Variants in TLL1 observed in about 807,000 individuals in gnomAD.
The protein encoded by TLL1 is tolloid-like protein 1.
A neutral mutation model predicts 128.2 loss-of-function variants in TLL1; 49 were observed. That is an observed-to-expected ratio of 0.38 (90% CI 0.30 to 0.48). TLL1 has a LOEUF of 0.48. Among genes scored for constraint, TLL1 ranks in the 20% least tolerant of loss-of-function variants. TLL1 has a pLI of 0.96. For synonymous variants in TLL1, 454 were observed against 418.8 expected, an observed-to-expected ratio of 1.08 and a Z score of -1.03; for missense variants, 1,123 against 1,242.0, an observed-to-expected ratio of 0.90 and a Z score of 1.44.
chr4:166,016,397 T>C (rs968308292), intron 8 of TLL1, among the ~76,000 whole-genome samples: 1 of 152,086 alleles, frequency 6.6e-6, no homozygotes, highest in Non-Finnish European at 1.5e-5. Flanking sequence ...TAAATGTACG[T>C]CTACATACAT....
chr4:165,941,186 C>T (rs1733989810), intron 1 of TLL1, among the ~76,000 whole-genome samples: 1 of 151,930 alleles, frequency 6.6e-6, no homozygotes, highest in African/African-American at 2.4e-5. Context: ...CGCGCTATTG[C>T]CTTTACTTCT....
At chr4:166,030,749 A>G (rs1738730883) in intron 9 of TLL1, 2 of 1,140,698 alleles carry the variant, frequency 1.8e-6, no homozygotes, top group Admixed American at 4.8e-5. Context: ...AAATGTTTTT[A>G]TTCAGCATTC....
intron 15 of TLL1, 110 bp downstream of exon 15, chr4:166,060,298 T>C: frequency 1.7e-6 from 2 of 1,167,148 alleles, no homozygotes; most frequent in Non-Finnish European, 2.5e-6. Context: ...GACATTGTAT[T>C]CTTTCTTTGT....
intron 2 of TLL1, among the ~76,000 whole-genome samples, chr4:165,990,603 T>A (rs1245211505): frequency 6.6e-6 from 1 of 152,058 alleles, no homozygotes; most frequent in East Asian, 1.9e-4. Context: ...GTGTGTTGTG[T>A]GTGTGTGCAT....
chr4:166,062,375 GTGTC>G lies in TLL1; in HGVS notation c.2007+2189_2007+2192del, dbSNP rs200339158. Among the ~76,000 whole-genome samples, 230 of 152,238 alleles carry G rather than the reference GTGTC, an allele frequency of 1.5e-3. 6 individuals carry two copies. The East Asian group carries it at 0.042, about 28-fold the overall frequency. ...GCATGGAATGTTCTTCCATTTGTTT[GTGTC>G]TTCTTTTATTTCGTTGATCAGTGGT... On this transcript the variant is annotated intron_variant, in intron 15 of 20. Coordinates refer to ENST00000061240, the MANE Select transcript of TLL1 (RefSeq NM_012464.5).
chr4:166,075,020 A>G lies in TLL1; in HGVS notation c.2314+17A>G, dbSNP rs898947382. ...GCAAGGAAGGTATGGAACGGAATACACTTTTTTTGACAACATGTAGAATTT... is the reference window on the plus strand; with the variant it reads ...GCAAGGAAGGTATGGAACGGAATACGCTTTTTTTGACAACATGTAGAATTT... On this transcript the variant is annotated intron_variant, in intron 17 of 20. Transcript: ENST00000061240. The G allele has an allele frequency of 2.5e-6, 4 of 1,612,368 alleles. No individual in the cohort carries two copies. Among genetic ancestry groups the G allele is most frequent in the African/African-American group, 2.7e-5 (2 of 75,000 alleles).
At chr4:166,087,043 G>C (rs573370305) in intron 18 of TLL1, among the ~76,000 whole-genome samples, 1 of 152,224 alleles carries the variant, frequency 6.6e-6, no homozygotes, top group South Asian at 2.1e-4. Context: ...ACAAGTATCT[G>C]TTATCCCTGT....
chr4:166,086,585 G>A (rs547567016), intron 18 of TLL1, among the ~76,000 whole-genome samples: 15 of 152,148 alleles, frequency 9.9e-5, no homozygotes, highest in South Asian at 4.2e-4. Flanking sequence ...GCAACATGGC[G>A]GTCTCAAAGG....
chr4:166,005,774 A>T (rs1737396550), intron 6 of TLL1, among the ~76,000 whole-genome samples: 1 of 151,912 alleles, frequency 6.6e-6, no homozygotes, highest in Admixed American at 6.6e-5. Context: ...AATTTATAAA[A>T]GATGTAACTT....
intron 1 of TLL1, among the ~76,000 whole-genome samples, chr4:165,920,372 G>T (rs753288490): frequency 6.6e-6 from 1 of 152,166 alleles, no homozygotes; most frequent in African/African-American, 2.4e-5. Flanking sequence ...TTAGAGAATT[G>T]TTGTTGAGCA....
At chr4:166,088,350 T>C (rs1741615489) in intron 18 of TLL1, among the ~76,000 whole-genome samples, 1 of 152,174 alleles carries the variant, frequency 6.6e-6, no homozygotes, top group African/African-American at 2.4e-5. Flanking sequence ...TCATGAACTC[T>C]GAAAAATATT....
intron 1 of TLL1, among the ~76,000 whole-genome samples, chr4:165,966,353 A>T (rs879691882): frequency 6.6e-6 from 1 of 152,138 alleles, no homozygotes; most frequent in Non-Finnish European, 1.5e-5. Flanking sequence ...TTTGTGGCTT[A>T]TGGAAGTCAC....
At chr4:165,954,434 G>C (rs1429728531) in intron 1 of TLL1, among the ~76,000 whole-genome samples, 1 of 152,152 alleles carries the variant, frequency 6.6e-6, no homozygotes, top group East Asian at 1.9e-4. Flanking sequence ...AATAGTACTG[G>C]GAGAAAAACA....
At chr4:166,039,299 A>G (rs766378774) in intron 9 of TLL1, 40 bp from the exon 10 acceptor site, 1 of 1,425,746 alleles carries the variant, frequency 7.0e-7, no homozygotes, top group African/African-American at 1.4e-5. Flanking sequence ...TGTAGATACA[A>G]TCATTTTTAC....
chr4:166,040,774 C>T (rs1251450576), intron 10 of TLL1, among the ~76,000 whole-genome samples: 1 of 152,192 alleles, frequency 6.6e-6, no homozygotes, highest in Non-Finnish European at 1.5e-5. Flanking sequence ...GTGTTATCTG[C>T]CTCTAATTTG....
At chr4:165,959,086 C>A (rs539750004) in intron 1 of TLL1, among the ~76,000 whole-genome samples, 3 of 149,696 alleles carry the variant, frequency 2.0e-5, no homozygotes, top group African/African-American at 7.4e-5. Context: ...TGTTTTGGTA[C>A]CAGTACCATG....
At chr4:166,014,589 G>A (rs1737850686) in intron 8 of TLL1, 29 bp downstream of exon 8, 10 of 1,609,366 alleles carry the variant, frequency 6.2e-6, no homozygotes, top group Non-Finnish European at 8.5e-6. Flanking sequence ...ACAAGAGCAT[G>A]ACTGTACTTG....
At chr4:165,902,029 T>C (rs992078418) in intron 1 of TLL1, among the ~76,000 whole-genome samples, 12 of 152,160 alleles carry the variant, frequency 7.9e-5, no homozygotes, top group African/African-American at 2.9e-4. Context: ...CTTCTGGGCA[T>C]GTTTGTTTAC....
At chr4:165,957,978 G>C (rs1734893467) in intron 1 of TLL1, among the ~76,000 whole-genome samples, 2 of 150,318 alleles carry the variant, frequency 1.3e-5, no homozygotes, top group South Asian at 2.1e-4. Flanking sequence ...TTTTGTCCTT[G>C]TGATAGTTTA....
Sources: gnomAD v4.1 joint callset for allele counts (sites outside exome capture counted in the v4.1 genomes callset) on GRCh38, gnomAD v4.1.1 for gene constraint, MANE v1.5 for transcripts, NCBI Gene and HGNC (gene_info 2026-07-23, HGNC 2026-07-21) for gene names.